ADAMTS16: variants seen among roughly 807,000 people sequenced by gnomAD.
ADAMTS16 encodes A disintegrin and metalloproteinase with thrombospondin motifs 16.
A neutral mutation model predicts 145.8 loss-of-function variants in ADAMTS16; 94 were observed. That is an observed-to-expected ratio of 0.64 (90% CI 0.55 to 0.77). ADAMTS16 has a LOEUF of 0.77. Among genes scored for constraint, ADAMTS16 ranks in the 30% least tolerant of loss-of-function variants. The pLI is 0.00. For synonymous variants in ADAMTS16, 659 were observed against 604.3 expected (o/e 1.09, Z -1.33); for missense variants, 1,585 against 1,591.5 (o/e 1.00, Z 0.07).
chr5:5,186,161 C>G lies in ADAMTS16; in HGVS notation c.873C>G (p.Asn291Lys). 6.2e-7 allele frequency: 1 copy of G among 1,614,098 alleles called. No individual in the cohort carries two copies. The highest frequency in any genetic ancestry group is 8.5e-7 in the Non-Finnish European group (1 of 1,180,032). Residue 291 changes from asparagine (N) to lysine (K), a missense_variant, in exon 5 of 23, where the codon AAC becomes AAG. Asn to Lys is a moderately conservative substitution (Grantham distance 94, BLOSUM62 0). Transcript: ENST00000274181. ...LLRSHRNEEL[N>K]VETLVVVDKK... ...GGTCCCATAGAAATGAAGAACTGAA[C>G]GTGGAGACCTTGGTGGTGGTCGACA...
At chr5:5,177,277 C>A (rs1735223641) in intron 3 of ADAMTS16, among the ~76,000 whole-genome samples, 1 of 152,148 alleles carries the variant, frequency 6.6e-6, no homozygotes, top group Non-Finnish European at 1.5e-5. Context: ...TAGTTTGAGT[C>A]TATACATAAG....
At chr5:5,315,628 C>A (rs1213442216) in intron 21 of ADAMTS16, among the ~76,000 whole-genome samples, 1 of 152,082 alleles carries the variant, frequency 6.6e-6, no homozygotes, top group Non-Finnish European at 1.5e-5. Flanking sequence ...GCTGTCTCAG[C>A]AGGGTGACCA....
chr5:5,306,656 A>G lies in ADAMTS16; in HGVS notation c.3339A>G (p.Pro1113=). The change falls in exon 21 of 23, where the codon CCA becomes CCG. Residue 1113 remains proline, a synonymous_variant. Coordinates refer to ENST00000274181, the MANE Select transcript of ADAMTS16 (RefSeq NM_139056.4). ...LELERACAPL[P]CPRHPPFAAA... is the part of the protein sequence containing the mutation. ...TGGAACGTGCCTGCGCCCCGCTTCC[A>G]TGCCCCAGGCACCCCCCATTTGCTG... 5 of 1,614,030 alleles carry G rather than the reference A, an allele frequency of 3.1e-6. No homozygotes were observed. Among genetic ancestry groups the G allele is most frequent in the Non-Finnish European group, 4.2e-6 (5 of 1,179,986 alleles).
chr5:5,152,909 T>G (rs1279228134), intron 3 of ADAMTS16, among the ~76,000 whole-genome samples: 1 of 152,250 alleles, frequency 6.6e-6, no homozygotes, highest in African/African-American at 2.4e-5. Flanking sequence ...ATTCTGGAAG[T>G]CTGTCTTCAA....
At chr5:5,271,980 C>T (rs762928014) in intron 18 of ADAMTS16, among the ~76,000 whole-genome samples, 2 of 152,138 alleles carry the variant, frequency 1.3e-5, no homozygotes, top group Non-Finnish European at 2.9e-5. Flanking sequence ...TAAGGCTCAG[C>T]AGGGCAGCTT....
chr5:5,170,325 T>C (rs1735011166), intron 3 of ADAMTS16, among the ~76,000 whole-genome samples: 1 of 152,172 alleles, frequency 6.6e-6, no homozygotes, highest in Non-Finnish European at 1.5e-5. Context: ...GTATGTCTTC[T>C]CTCGAGAAAC....
In ADAMTS16 at chr5:5,232,381, G is replaced by T. The variant is rs187350862; in HGVS notation, c.1715G>T (p.Gly572Val). 6.2e-7 allele frequency: 1 copy of T among 1,613,978 alleles called. No individual in the cohort carries two copies. The highest frequency in any genetic ancestry group is 8.5e-7 in the Non-Finnish European group (1 of 1,179,992). ...ICGHDMWCRGGQCVKYGDEGP... is the reference protein window; with the variant it reads ...ICGHDMWCRGVQCVKYGDEGP... ...TGAAAATTTTAGTGGTGCCGGGGAG[G>T]ACAGTGTGTGAAATATGGTGATGAA... is the stretch of plus-strand genomic sequence containing the variant. The change falls in exon 12 of 23, where the codon GGA (glycine) becomes GTA (valine). Residue 572 changes from glycine (G) to valine (V), a missense_variant. Gly to Val is a moderately radical substitution (Grantham distance 109). This residue lies in a region of ADAMTS16 where 298 missense variants were observed against 367.6 expected (regional missense o/e 0.81). Transcript: ENST00000274181.
At chr5:5,313,501 C>T (rs1740538862) in intron 21 of ADAMTS16, among the ~76,000 whole-genome samples, 1 of 152,220 alleles carries the variant, frequency 6.6e-6, no homozygotes, top group Admixed American at 6.5e-5. Context: ...CTGGGAATGG[C>T]TTGCATGCGA....
At position 5,175,966 on chromosome 5, in the gene ADAMTS16, G is replaced by T. The variant is rs561702392; in HGVS notation, c.502-6078G>T. On this transcript the variant is annotated intron_variant, in intron 3 of 22. Transcript: ENST00000274181. ...TCAAGTGACTCTTTCAGCAATATGA[G>T]GTTAAAACCATGTACTGTGGTTGCT... 4.6e-5 allele frequency: 7 copies of T among 152,344 alleles called. No homozygotes were observed. In the South Asian group the frequency reaches 1.5e-3, roughly 32 times the overall value. The allele number at this position is 152,344 out of a possible 1,614,324, so 9.4% of individuals were successfully genotyped here. A position where few individuals can be genotyped will look rare whatever the true frequency, so the allele number is the denominator to read the frequency against.
At chr5:5,154,059 C>G (rs1043577351) in intron 3 of ADAMTS16, among the ~76,000 whole-genome samples, 1 of 152,088 alleles carries the variant, frequency 6.6e-6, no homozygotes, top group Non-Finnish European at 1.5e-5. Flanking sequence ...CTCAATAAAT[C>G]CTAGGAAACT....
intron 17 of ADAMTS16, among the ~76,000 whole-genome samples, chr5:5,256,191 A>G (rs1737774825): frequency 6.6e-6 from 1 of 152,210 alleles, no homozygotes; most frequent in African/African-American, 2.4e-5. Context: ...CATAAGAAGC[A>G]TTTGGAAACC....
chr5:5,144,839 C>T (rs771155271), intron 2 of ADAMTS16, among the ~76,000 whole-genome samples: 10 of 152,328 alleles, frequency 6.6e-5, no homozygotes, highest in Non-Finnish European at 1.0e-4. Flanking sequence ...GAACATTCCT[C>T]TGCTCTTAGA....
Position 5,306,736 on chromosome 5 carries a change from AGG to A in ADAMTS16, c.3411+9_3411+10del. ...GCCTCACCCTGGTCTCAGGTAGGGG[AGG>A]CCCTCGGTTCCTGGAGAGTGGGCGA... On this transcript the variant is annotated intron_variant, in intron 21 of 22. Transcript: ENST00000274181. The A allele has an allele frequency of 6.3e-7, 1 of 1,595,716 alleles. No homozygotes were observed. Among genetic ancestry groups the A allele is most frequent in the Non-Finnish European group, 8.5e-7 (1 of 1,170,360 alleles).
chr5:5,182,891 C>A (rs1334521358), intron 4 of ADAMTS16, among the ~76,000 whole-genome samples: 1 of 152,178 alleles, frequency 6.6e-6, no homozygotes, highest in Non-Finnish European at 1.5e-5. Context: ...ATGTCCCTCA[C>A]TTCCTTGAGC....
intron 3 of ADAMTS16, among the ~76,000 whole-genome samples, chr5:5,168,641 T>A (rs1318497607): frequency 1.0e-5 from 1 of 99,854 alleles, no homozygotes; most frequent in Admixed American, 1.1e-4. Flanking sequence ...ATAATATATA[T>A]AATTATATTT....
At chr5:5,260,333 A>G (rs1737968686) in intron 17 of ADAMTS16, among the ~76,000 whole-genome samples, 1 of 152,252 alleles carries the variant, frequency 6.6e-6, no homozygotes, top group Admixed American at 6.5e-5. Context: ...TCTTTCATAG[A>G]AATATTCTTC....
intron 2 of ADAMTS16, among the ~76,000 whole-genome samples, chr5:5,141,791 A>T (rs975934912): frequency 5.3e-5 from 8 of 152,222 alleles, no homozygotes; most frequent in Non-Finnish European, 1.0e-4. Context: ...CCAAATGAGT[A>T]CACAAATAGT....
chr5:5,215,683 G>A (rs1736402866), intron 10 of ADAMTS16, among the ~76,000 whole-genome samples: 1 of 142,784 alleles, frequency 7.0e-6, no homozygotes, highest in Non-Finnish European at 1.5e-5. Flanking sequence ...TTATGGCTGA[G>A]TAGTATTCCA....
chr5:5,307,195 C>G (rs797018833), intron 21 of ADAMTS16, among the ~76,000 whole-genome samples: 1 of 152,108 alleles, frequency 6.6e-6, no homozygotes, highest in Non-Finnish European at 1.5e-5. Flanking sequence ...TGTTTCTCCT[C>G]GTCTGTGCCC....
Sources: allele counts gnomAD v4.1 joint callset (sites outside exome capture counted in the v4.1 genomes callset), GRCh38; gene constraint gnomAD v4.1.1; regional missense constraint gnomAD v4.1.1; transcripts MANE v1.5; gene names NCBI Gene and HGNC (gene_info 2026-07-23, HGNC 2026-07-21).